Variants in WASF3 observed in about 807,000 individuals in gnomAD.
WASF3 encodes actin-binding protein WASF3.
In WASF3, 11 loss-of-function variants were observed where a neutral mutation model predicts 46.6. The observed-to-expected ratio is 0.24, with a 90% CI of 0.15 to 0.39. WASF3 has a LOEUF of 0.39. WASF3 is among the 10% of genes least tolerant of loss of function. The probability of loss-of-function intolerance (pLI) is 1.00; values close to 1 mark genes in which losing one functional copy is unlikely to be tolerated. For synonymous variants in WASF3, 242 were observed against 259.7 expected, an observed-to-expected ratio of 0.93 and a Z score of 0.65; for missense variants, 576 against 669.8, an observed-to-expected ratio of 0.86 and a Z score of 1.55.
Position 26,577,471 on chromosome 13 carries a change from C to G in WASF3, c.-109+19652C>G, listed in dbSNP as rs138057325. ...TGATTCCAGACAGCATTGGAAAAGA[C>G]ATAGAAAAGACTTGCCAATCCATTT... On this transcript the variant is annotated intron_variant, in intron 1 of 9. Coordinates refer to ENST00000335327, the MANE Select transcript of WASF3 (RefSeq NM_006646.6). 1.1e-3 allele frequency: 1,040 copies of G among 934,712 alleles called. 11 individuals carry two copies. In the African/African-American group the frequency reaches 0.015, roughly 14 times the overall value. 57.9% of individuals were successfully genotyped at this position (934,712 alleles called of 1,614,324 possible). A position where few individuals can be genotyped will look rare whatever the true frequency, so the allele number is the denominator to read the frequency against.
At chr13:26,649,713 C>T (rs1438011588) in intron 3 of WASF3, among the ~76,000 whole-genome samples, 3 of 152,258 alleles carry the variant, frequency 2.0e-5, no homozygotes, top group East Asian at 3.9e-4. Flanking sequence ...AGCAACCTTA[C>T]CAGGTTCTTA....
At chr13:26,567,073 T>C (rs1879487802) in intron 1 of WASF3, among the ~76,000 whole-genome samples, 1 of 152,268 alleles carries the variant, frequency 6.6e-6, no homozygotes, top group African/African-American at 2.4e-5. Flanking sequence ...ACAGTGGTTC[T>C]TGTTTGGCTG....
At position 26,685,940 on chromosome 13, in the gene WASF3, C is replaced by A; in HGVS notation, c.*95C>A. 1 of 1,478,926 alleles carries A rather than the reference C, an allele frequency of 6.8e-7. No individual in the cohort carries two copies. Among genetic ancestry groups the A allele is most frequent in the Non-Finnish European group, 9.1e-7 (1 of 1,101,236 alleles). 91.6% of individuals were successfully genotyped at this position (1,478,926 alleles called of 1,614,324 possible). A position where few individuals can be genotyped will look rare whatever the true frequency, so the allele number is the denominator to read the frequency against. ...GTGGTATTCTAATCCCGTAGCATAG[C>A]ACCTTTTGTATAAACAATGTGATAT... is the stretch of plus-strand genomic sequence containing the variant. On this transcript the variant is annotated 3_prime_UTR_variant, in exon 10 of 10. Coordinates refer to ENST00000335327, the MANE Select transcript of WASF3 (RefSeq NM_006646.6).
intron 3 of WASF3, among the ~76,000 whole-genome samples, chr13:26,663,579 G>A (rs142507705): frequency 2.2e-4 from 34 of 152,206 alleles, no homozygotes; most frequent in Non-Finnish European, 4.1e-4. Flanking sequence ...TCCTTTTTTG[G>A]TGGGGGATGG....
At chr13:26,624,548 AC>A (rs1881408053) in intron 2 of WASF3, among the ~76,000 whole-genome samples, 1 of 152,184 alleles carries the variant, frequency 6.6e-6, no homozygotes, top group Admixed American at 6.5e-5. Context: ...ACTAGAAGGC[AC>A]AGTTGCTGAG....
At chr13:26,631,649 A>G (rs1881654766) in intron 2 of WASF3, among the ~76,000 whole-genome samples, 1 of 152,148 alleles carries the variant, frequency 6.6e-6, no homozygotes, top group African/African-American at 2.4e-5. Flanking sequence ...TGTCTTGGCA[A>G]TGTGGGCTCT....
intron 1 of WASF3, among the ~76,000 whole-genome samples, chr13:26,586,265 G>GT: frequency 7.0e-6 from 1 of 143,050 alleles, no homozygotes; most frequent in East Asian, 2.0e-4. Flanking sequence ...CTCTTTATTG[G>GT]TTTTATTTTG....
chr13:26,652,971 C>T (rs1882357627), intron 3 of WASF3, among the ~76,000 whole-genome samples: 1 of 152,192 alleles, frequency 6.6e-6, no homozygotes, highest in African/African-American at 2.4e-5. Context: ...AATTTTTGTG[C>T]TCTTAGTTGC....
At chr13:26,619,787 G>A (rs963536850) in intron 2 of WASF3, among the ~76,000 whole-genome samples, 5 of 152,144 alleles carry the variant, frequency 3.3e-5, no homozygotes, top group African/African-American at 1.2e-4. Flanking sequence ...AATGACAAAT[G>A]ATCAGGTGCT....
chr13:26,580,246 C>T (rs1593377535), intron 1 of WASF3, among the ~76,000 whole-genome samples: 1 of 152,192 alleles, frequency 6.6e-6, no homozygotes, highest in Non-Finnish European at 1.5e-5. Context: ...CCAACTTTTA[C>T]CTTTTAGAAT....
At chr13:26,544,340 T>G in the WASF3 span, among the ~76,000 whole-genome samples, 77 of 152,248 alleles carry the variant, frequency 5.1e-4, no homozygotes, top group East Asian at 1.2e-3. Context: ...ATAAGATGCA[T>G]AGTAAGATGG....
chr13:26,671,782 T>G, intron 5 of WASF3, 90 bp from the exon 6 acceptor site: 1 of 838,492 alleles, frequency 1.2e-6, no homozygotes. Flanking sequence ...ATGTTATAAT[T>G]TCATGAGTTC....
intron 5 of WASF3, among the ~76,000 whole-genome samples, chr13:26,669,871 G>T (rs1882879854): frequency 6.6e-6 from 1 of 152,190 alleles, no homozygotes; most frequent in African/African-American, 2.4e-5. Flanking sequence ...TGCTGGAGAG[G>T]ATGTGGAGAA....
chr13:26,615,635 G>A (rs778578528), intron 2 of WASF3, among the ~76,000 whole-genome samples: 13 of 152,048 alleles, frequency 8.5e-5, no homozygotes, highest in Non-Finnish European at 1.9e-4. Context: ...CTGCTTTATT[G>A]TGGAATAATT....
intron 1 of WASF3, among the ~76,000 whole-genome samples, chr13:26,589,929 G>A (rs1253627342): frequency 6.6e-6 from 1 of 152,198 alleles, no homozygotes; most frequent in Non-Finnish European, 1.5e-5. Flanking sequence ...TTACGCCAGG[G>A]CAGAAGAAGG....
chr13:26,539,450 C>A, the WASF3 span, among the ~76,000 whole-genome samples: 1 of 152,104 alleles, frequency 6.6e-6, no homozygotes, highest in African/African-American at 2.4e-5. Flanking sequence ...GTATGCTACT[C>A]CTTAGCTGGG....
At chr13:26,582,531 G>A (rs1422383789) in intron 1 of WASF3, among the ~76,000 whole-genome samples, 1 of 151,870 alleles carries the variant, frequency 6.6e-6, no homozygotes, top group Admixed American at 6.6e-5. Flanking sequence ...CAAAAAATTA[G>A]CTAGGTGTGG....
intron 1 of WASF3, among the ~76,000 whole-genome samples, chr13:26,595,267 T>C (rs1018384240): frequency 2.8e-4 from 42 of 152,360 alleles, no homozygotes; most frequent in African/African-American, 1.0e-3. Flanking sequence ...CAGCATCTTT[T>C]TAAATATGGA....
chr13:26,631,807 T>C (rs1048694916), intron 2 of WASF3, among the ~76,000 whole-genome samples: 10 of 152,346 alleles, frequency 6.6e-5, no homozygotes, highest in Middle Eastern at 3.4e-3. Context: ...TCCATGAGCA[T>C]GGAATGTTTT....
Sources: gnomAD v4.1 joint callset for allele counts (sites outside exome capture counted in the v4.1 genomes callset) on GRCh38, gnomAD v4.1.1 for gene constraint, MANE v1.5 for transcripts, NCBI Gene and HGNC (gene_info 2026-07-23, HGNC 2026-07-21) for gene names.